THNSL1: variants seen among roughly 807,000 people sequenced by gnomAD.
THNSL1 encodes the protein threonine synthase like 1, also known as threonine synthase-like 1.
A neutral mutation model predicts 50.4 loss-of-function variants in THNSL1; 48 were observed. The ratio of observed to expected loss-of-function variants is 0.95; its 90% CI spans 0.76 to 1.21. The LOEUF (loss-of-function observed/expected upper bound fraction) is 1.21. Ranked by LOEUF, THNSL1 falls within the 50% of genes most tolerant of loss-of-function variation. THNSL1 has a pLI of 0.00. For missense variants in THNSL1, 896 were observed against 871.7 expected, an observed-to-expected ratio of 1.03 and a Z score of -0.35; for synonymous variants, 309 against 306.1, an observed-to-expected ratio of 1.01 and a Z score of -0.10.
the THNSL1 span, among the ~76,000 whole-genome samples, chr10:24,960,958 A>G: frequency 0.16 from 23,872 of 152,154 alleles, 2,315 homozygotes; most frequent in Middle Eastern, 0.28. Context: ...TGTAGGATCC[A>G]TGGCAAGTTG....
Position 25,025,237 on chromosome 10 carries a change from G to A in THNSL1, c.2014G>A (p.Ala672Thr), listed in dbSNP as rs1223938132. Reference protein sequence around the residue: ...ISSTAHYSKFAPAIMQALKIK... With the variant: ...ISSTAHYSKFTPAIMQALKIK... ...ATCTACAGCCCATTACTCAAAGTTT[G>A]CACCTGCTATCATGCAGGCTTTAAA... The change falls in exon 3 of 3, where the codon GCA becomes ACA. Residue 672 changes from alanine to threonine, a missense_variant. Physicochemically the swap from Ala to Thr is moderately conservative, Grantham distance 58. Transcript: ENST00000376356. 4 of 1,614,134 alleles carry A rather than the reference G, an allele frequency of 2.5e-6. No individual in the cohort carries two copies. The highest frequency in any genetic ancestry group is 1.1e-5 in the South Asian group (1 of 91,076).
chr10:24,976,781 A>G, the THNSL1 span, among the ~76,000 whole-genome samples: 86 of 152,304 alleles, frequency 5.6e-4, no homozygotes, highest in African/African-American at 2.0e-3. Flanking sequence ...GGTGTGAGCC[A>G]CCACACCTGG....
chr10:24,952,705 C>T, the THNSL1 span: 1 of 859,396 alleles, frequency 1.2e-6, no homozygotes, highest in African/African-American at 1.7e-5. The surrounding 1 kb of genome is among the most constrained non-coding windows in gnomAD (Gnocchi z 5.1). Context: ...GACGGGTCCG[C>T]CCCGCCCCGG....
the THNSL1 span, among the ~76,000 whole-genome samples, chr10:24,988,647 A>G: frequency 7.6e-6 from 1 of 130,800 alleles, no homozygotes; most frequent in Non-Finnish European, 1.6e-5. Flanking sequence ...CTGAAAATGT[A>G]GAGTGACACA....
intron 1 of THNSL1, among the ~76,000 whole-genome samples, chr10:25,017,712 C>T (rs1036226323): frequency 6.6e-6 from 1 of 151,658 alleles, no homozygotes; most frequent in Non-Finnish European, 1.5e-5. Flanking sequence ...GATTGTCTTC[C>T]AAAACATTTT....
chr10:25,012,690 A>G (rs535060034), upstream of THNSL1, among the ~76,000 whole-genome samples: 2 of 152,320 alleles, frequency 1.3e-5, no homozygotes, highest in East Asian at 3.9e-4. Context: ...CCCCCATTGT[A>G]TCTGGGAAGT....
chr10:25,017,103 T>A, intron 1 of THNSL1, among the ~76,000 whole-genome samples: 1 of 152,240 alleles, frequency 6.6e-6, no homozygotes, highest in East Asian at 1.9e-4. Context: ...TCGGGACTCT[T>A]CCTCTAGGTC....
chr10:24,976,568 C>T, the THNSL1 span, among the ~76,000 whole-genome samples: 1 of 152,088 alleles, frequency 6.6e-6, no homozygotes, highest in African/African-American at 2.4e-5. Context: ...TGGCTCACTG[C>T]AACCTCCGCC....
chr10:25,025,174 G>T lies in THNSL1; in HGVS notation c.1951G>T (p.Asp651Tyr). Residue 651 changes from aspartate (D) to tyrosine (Y), a missense_variant, in exon 3 of 3, where the codon GAT (aspartate) becomes TAT (tyrosine). Transcript: ENST00000376356. ...CACTGCTGTTGCAAAAGTGGTTGCA[G>T]ATAGGGTGCAAGACAAAACTTGCCC... ...PHTAVAKVVA[D>Y]RVQDKTCPVI... The T allele has an allele frequency of 6.2e-7, 1 of 1,614,162 alleles. No individual in the cohort carries two copies.
chr10:24,963,851 T>C, the THNSL1 span, among the ~76,000 whole-genome samples: 4 of 152,212 alleles, frequency 2.6e-5, no homozygotes, highest in African/African-American at 9.6e-5. Flanking sequence ...TAATGGAGCA[T>C]GCAGGAAAGG....
upstream of THNSL1, among the ~76,000 whole-genome samples, chr10:25,011,742 T>C (rs891311695): frequency 1.3e-5 from 2 of 152,182 alleles, no homozygotes; most frequent in East Asian, 1.9e-4. Context: ...TGGCAACTTA[T>C]GTTTAAAAGG....
At chr10:24,992,084 T>C in the THNSL1 span, among the ~76,000 whole-genome samples, 7 of 152,202 alleles carry the variant, frequency 4.6e-5, no homozygotes, top group Admixed American at 2.0e-4. Context: ...TCTTTCAGCT[T>C]AGTAAATGCG....
the THNSL1 span, among the ~76,000 whole-genome samples, chr10:24,988,924 G>C: frequency 6.6e-6 from 1 of 151,630 alleles, no homozygotes; most frequent in Non-Finnish European, 1.5e-5. Context: ...GCCAGCCGGT[G>C]GCTTTGTTAC....
At chr10:24,955,561 G>A in the THNSL1 span, among the ~76,000 whole-genome samples, 1 of 152,140 alleles carries the variant, frequency 6.6e-6, no homozygotes, top group East Asian at 1.9e-4. Flanking sequence ...CTATAAAACT[G>A]TAAGATATTA....
At chr10:25,012,685 A>G (rs987736855), upstream of THNSL1, among the ~76,000 whole-genome samples, 2 of 152,160 alleles carry the variant, frequency 1.3e-5, no homozygotes, top group African/African-American at 4.8e-5. Flanking sequence ...CTGGACCCCC[A>G]TTGTATCTGG....
intron 1 of THNSL1, among the ~76,000 whole-genome samples, chr10:25,020,824 A>T (rs1252337725): frequency 6.6e-6 from 1 of 152,158 alleles, no homozygotes; most frequent in Admixed American, 6.6e-5. Flanking sequence ...TCAGAAAGTT[A>T]TGTATTGCAA....
At position 25,023,939 on chromosome 10, in the gene THNSL1, C is replaced by G. The variant is rs41279890; in HGVS notation, c.716C>G (p.Pro239Arg). Reference sequence around the variant, plus strand: ...TTCATTTCAACAAGACACGTTTGGCCTGAAGACTGTGAACAGAAGGTTTCA... The same window carrying G: ...TTCATTTCAACAAGACACGTTTGGCGTGAAGACTGTGAACAGAAGGTTTCA... ...ETFISTRHVWPEDCEQKVSAK... is the reference protein window; with the variant it reads ...ETFISTRHVWREDCEQKVSAK... The change falls in exon 3 of 3, where the codon CCT becomes CGT. Residue 239 changes from proline to arginine, a missense_variant. Physicochemically the swap from Pro to Arg is moderately radical, Grantham distance 103. Transcript: ENST00000376356. 19,918 of 1,614,144 alleles carry G rather than the reference C, an allele frequency of 0.012. 378 individuals are homozygous for G. Among genetic ancestry groups the G allele is most frequent in the African/African-American group, 0.08 (6,024 of 75,032 alleles).
chr10:24,953,747 G>A, the THNSL1 span, among the ~76,000 whole-genome samples: 2 of 152,150 alleles, frequency 1.3e-5, no homozygotes, highest in African/African-American at 2.4e-5. Flanking sequence ...TTCGAATTCT[G>A]GCACACAGAG....
At chr10:24,989,804 A>G in the THNSL1 span, among the ~76,000 whole-genome samples, 1 of 152,202 alleles carries the variant, frequency 6.6e-6, no homozygotes, top group Non-Finnish European at 1.5e-5. Flanking sequence ...TTCTGCCTCT[A>G]TAAGAGACAG....
Sources: allele counts gnomAD v4.1 joint callset (sites outside exome capture counted in the v4.1 genomes callset), GRCh38; gene constraint gnomAD v4.1.1; non-coding constraint Gnocchi (gnomAD v3.1); transcripts MANE v1.5; gene names NCBI Gene and HGNC (gene_info 2026-07-23, HGNC 2026-07-21).